USP40: variants seen among roughly 807,000 people sequenced by gnomAD.
USP40 encodes the protein ubiquitin specific peptidase 40, also known as ubiquitin carboxyl-terminal hydrolase 40.
A neutral mutation model predicts 166.2 loss-of-function variants in USP40; 143 were observed. The ratio of observed to expected loss-of-function variants is 0.86; its 90% CI spans 0.75 to 0.99. USP40 has a LOEUF of 0.99. USP40 is among the 50% of genes least tolerant of loss of function. The pLI is 0.00. For missense variants in USP40, 1,444 were observed against 1,479.7 expected (o/e 0.98, Z 0.40); for synonymous variants, 498 against 524.0 (o/e 0.95, Z 0.68).
In USP40 at chr2:233,510,075, C is replaced by T. The variant is rs1283555319; in HGVS notation, c.2587G>A (p.Val863Ile). ...VQPGTEMEIV[V>I]EETISVRDCL... ...TCTCTCACAGATATTGTTTCTTCTA[C>T]TACGATTTCCATTTCTGTCCCAGGT... The change falls in exon 21 of 32, where the codon GTA (valine) becomes ATA (isoleucine). Residue 863 changes from valine (V) to isoleucine (I), a missense_variant. Coordinates refer to ENST00000678225, the MANE Select transcript of USP40 (RefSeq NM_001365479.2). 2.0e-5 allele frequency: 32 copies of T among 1,598,670 alleles called. No individual in the cohort carries two copies. Among genetic ancestry groups the T allele is most frequent in the Non-Finnish European group, 2.6e-5 (30 of 1,171,854 alleles).
chr2:233,510,026 A>C (rs1325466444), intron 21 of USP40, 23 bp downstream of exon 21: 1 of 1,542,474 alleles, frequency 6.5e-7, no homozygotes, highest in Non-Finnish European at 8.8e-7. Context: ...CAGCCTCTGA[A>C]AACAAAAGGT....
Position 233,551,511 on chromosome 2 carries a change from T to C in USP40, c.702A>G (p.Lys234=). Residue 234 remains lysine, a synonymous_variant, in exon 7 of 32, where the codon AAA becomes AAG. Transcript: ENST00000678225. ...TAAGAAAAGGAGGCAGCTTACGTAA[T>C]TTGGCCGACTGTTAAAAGAAAAATT... is the stretch of plus-strand genomic sequence containing the variant. ...DRLVKAAKSA[K]LRKLPPFLTV... 1 of 1,591,816 alleles carries C rather than the reference T, an allele frequency of 6.3e-7. No individual in the cohort carries two copies.
chr2:233,551,517 C>A lies in USP40; in HGVS notation c.696G>T (p.Ser232=). The change falls in exon 7 of 32, where the codon TCG becomes TCT. Residue 232 remains serine (S), a splice_region_variant and synonymous_variant. Transcript: ENST00000678225. ...AAGGAGGCAGCTTACGTAATTTGGC[C>A]GACTGTTAAAAGAAAAATTTACAAA... ...TCDRLVKAAK[S]AKLRKLPPFL... is the part of the protein sequence containing the mutation. The A allele has an allele frequency of 1.3e-6, 2 of 1,585,776 alleles. No individual in the cohort carries two copies. Among genetic ancestry groups the A allele is most frequent in the South Asian group, 1.2e-5 (1 of 85,142 alleles).
intron 24 of USP40, among the ~76,000 whole-genome samples, chr2:233,495,755 T>C (rs774675380): frequency 2.0e-5 from 3 of 152,194 alleles, no homozygotes; most frequent in Admixed American, 6.5e-5. Flanking sequence ...GGACACTTGC[T>C]TTTCCTGGCC....
At chr2:233,510,577 T>G (rs1365889781) in intron 20 of USP40, among the ~76,000 whole-genome samples, 2 of 151,876 alleles carry the variant, frequency 1.3e-5, no homozygotes, top group Admixed American at 1.3e-4. Context: ...TAATTTTTTG[T>G]ATTTTTAGTA....
chr2:233,499,878 C>A lies in USP40; in HGVS notation c.2650+1G>T, dbSNP rs2065962872. The A allele has an allele frequency of 6.2e-7, 1 of 1,611,056 alleles. No individual in the cohort carries two copies. The highest frequency in any genetic ancestry group is 8.5e-7 in the Non-Finnish European group (1 of 1,178,818). ...ATATGTCATCATGGTAAGTAACTTA[C>A]CTTGTAGGCCAGATTTCTTCAGCAT... On this transcript the variant is annotated splice_donor_variant, in intron 22 of 31. Transcript: ENST00000678225. LOFTEE classifies it high-confidence loss of function.
At chr2:233,518,927 A>G (rs1027116869) in intron 18 of USP40, among the ~76,000 whole-genome samples, 1 of 152,248 alleles carries the variant, frequency 6.6e-6, no homozygotes, top group African/African-American at 2.4e-5. Context: ...TAGACTAGTC[A>G]GCAATGCAAA....
rs143992721 is a variant in USP40 at position 233,555,119 on chromosome 2, G to C, written c.547-593C>G. Among the ~76,000 whole-genome samples, 480 of 152,272 alleles carry C rather than the reference G, an allele frequency of 3.2e-3. 2 individuals carry two copies. The highest frequency in any genetic ancestry group is 0.011 in the African/African-American group (458 of 41,562). ...GAGGCAGGAGAATTGCTTGAACCTG[G>C]GAGGCGGAGGTCGCAGTGAGCCGAG... On this transcript the variant is annotated intron_variant, in intron 5 of 31. Coordinates refer to ENST00000678225, the MANE Select transcript of USP40 (RefSeq NM_001365479.2).
In USP40 at chr2:233,489,351, A is replaced by G. The variant is rs1266174421; in HGVS notation, c.3131+14T>C. On this transcript the variant is annotated intron_variant, in intron 27 of 31. Transcript: ENST00000678225. ...AGCAGAGAGGGACAGTGTTGCGTCC[A>G]GCAAGGAACCTACCTGAGTGGCTGC... is the stretch of plus-strand genomic sequence containing the variant. 1.3e-6 allele frequency: 2 copies of G among 1,572,212 alleles called. No homozygotes were observed. Among genetic ancestry groups the G allele is most frequent in the Non-Finnish European group, 1.7e-6 (2 of 1,158,058 alleles).
intron 10 of USP40, among the ~76,000 whole-genome samples, chr2:233,538,836 C>A (rs917365411): frequency 6.6e-6 from 1 of 152,002 alleles, no homozygotes; most frequent in East Asian, 1.9e-4. Flanking sequence ...GGGCAACATA[C>A]GGAGACACCA....
intron 13 of USP40, among the ~76,000 whole-genome samples, chr2:233,526,824 T>G (rs1223479534): frequency 1.3e-5 from 2 of 152,152 alleles, no homozygotes; most frequent in Non-Finnish European, 2.9e-5. Flanking sequence ...GGCTAATGTG[T>G]CTTCATGAGA....
chr2:233,488,362 T>A, intron 27 of USP40, 58 bp from the exon 28 acceptor site: 5 of 1,420,506 alleles, frequency 3.5e-6, no homozygotes, highest in Admixed American at 2.4e-5. Flanking sequence ...TTTCTTGAAT[T>A]TTTTTTCCCC....
chr2:233,524,634 A>G, intron 14 of USP40, 72 bp from the exon 15 acceptor site: 1 of 1,230,548 alleles, frequency 8.1e-7, no homozygotes, highest in Non-Finnish European at 1.1e-6. Context: ...AAGAGCTGAG[A>G]CAAATATTTG....
intron 21 of USP40, among the ~76,000 whole-genome samples, 155 bp from the exon 22 acceptor site, chr2:233,500,070 G>A (rs887463577): frequency 7.9e-5 from 12 of 152,112 alleles, no homozygotes; most frequent in Admixed American, 5.2e-4. Flanking sequence ...GATAATACAC[G>A]AGTCAGCTTT....
chr2:233,537,951 T>C (rs2069056795), intron 10 of USP40, among the ~76,000 whole-genome samples: 1 of 152,124 alleles, frequency 6.6e-6, no homozygotes, highest in Admixed American at 6.5e-5. Context: ...TAAGCAGAAG[T>C]AGTAACATAT....
intron 18 of USP40, among the ~76,000 whole-genome samples, chr2:233,516,591 G>A (rs2067213433): frequency 6.6e-6 from 1 of 151,922 alleles, no homozygotes. Context: ...GAGAGGCTGA[G>A]GCAGGAGAAT....
At chr2:233,532,222 A>C (rs572995567) in intron 11 of USP40, among the ~76,000 whole-genome samples, 1 of 152,250 alleles carries the variant, frequency 6.6e-6, no homozygotes, top group East Asian at 1.9e-4. Flanking sequence ...CCAGCCTCTG[A>C]ATGGGTGTTG....
intron 18 of USP40, 166 bp downstream of exon 18, chr2:233,519,448 G>T: frequency 1.8e-6 from 1 of 543,870 alleles, no homozygotes; most frequent in Non-Finnish European, 3.4e-6. Flanking sequence ...CATTTATAAT[G>T]TTTCAAACAA....
chr2:233,499,811 A>G, intron 22 of USP40, 68 bp downstream of exon 22: 2 of 1,421,958 alleles, frequency 1.4e-6, no homozygotes, highest in Non-Finnish European at 9.6e-7. Context: ...ACAACCCTGG[A>G]GAAAAAAAAA....
Sources: allele counts gnomAD v4.1 joint callset (sites outside exome capture counted in the v4.1 genomes callset), GRCh38; gene constraint gnomAD v4.1.1; transcripts MANE v1.5; gene names NCBI Gene and HGNC (gene_info 2026-07-23, HGNC 2026-07-21).